The following CDH4 variants were observed in gnomAD, a reference collection of about 807,000 sequenced individuals.
The protein encoded by CDH4 is cadherin 4.
A neutral mutation model predicts 86.0 loss-of-function variants in CDH4; 33 were observed. The observed-to-expected ratio is 0.38, with a 90% CI of 0.29 to 0.51. The LOEUF is 0.51. Ranked by LOEUF, CDH4 falls within the 20% of genes least tolerant of loss-of-function variation. The probability of loss-of-function intolerance (pLI) is 0.86; values close to 1 mark genes in which losing one functional copy is unlikely to be tolerated. For synonymous variants in CDH4, 555 were observed against 549.4 expected (o/e 1.01, Z -0.14); for missense variants, 1,114 against 1,307.4 (o/e 0.85, Z 2.28).
intron 2 of CDH4, among the ~76,000 whole-genome samples, chr20:61,679,829 G>A (rs1425426088): frequency 6.6e-6 from 1 of 152,208 alleles, no homozygotes; most frequent in Admixed American, 6.5e-5. Flanking sequence ...ACCTGGAGCA[G>A]ACCCCGGAGC....
At chr20:61,745,060 A>C (rs1332733868) in intron 3 of CDH4, among the ~76,000 whole-genome samples, 1 of 152,196 alleles carries the variant, frequency 6.6e-6, no homozygotes, top group East Asian at 1.9e-4. Flanking sequence ...CCCCCAGTTA[A>C]CATGAGGCCT....
chr20:61,722,700 G>A (rs1283632206), intron 2 of CDH4, among the ~76,000 whole-genome samples: 4 of 141,822 alleles, frequency 2.8e-5, no homozygotes, highest in Non-Finnish European at 6.0e-5. Context: ...GCTCTTTCAA[G>A]TGACAAGATC....
chr20:61,883,380 C>T (rs1984383600), intron 7 of CDH4, among the ~76,000 whole-genome samples: 1 of 152,202 alleles, frequency 6.6e-6, no homozygotes, highest in African/African-American at 2.4e-5. Flanking sequence ...TTTCTTGGGA[C>T]ACTGGGCAAG....
At chr20:61,463,423 C>G (rs568670602) in intron 2 of CDH4, among the ~76,000 whole-genome samples, 2 of 152,290 alleles carry the variant, frequency 1.3e-5, no homozygotes, top group East Asian at 3.9e-4. Flanking sequence ...GCCCCATGTA[C>G]AAAACTGATG....
At chr20:61,848,698 C>A (rs1244674819) in intron 5 of CDH4, among the ~76,000 whole-genome samples, 1 of 152,074 alleles carries the variant, frequency 6.6e-6, no homozygotes, top group Non-Finnish European at 1.5e-5. Context: ...GCTAATTTTT[C>A]TGAATTTTTA....
At chr20:61,899,283 CAAAAAA>C (rs66506614) in intron 8 of CDH4, among the ~76,000 whole-genome samples, 19,364 of 134,302 alleles carry the variant, frequency 0.14, 2,875 homozygotes, top group East Asian at 0.45. Flanking sequence ...TAGCCTGTCT[CAAAAAA>C]AAAAAAGAAA....
intron 2 of CDH4, among the ~76,000 whole-genome samples, chr20:61,559,243 G>A (rs2086198103): frequency 6.6e-6 from 1 of 152,152 alleles, no homozygotes. Context: ...GCCTGAGCCT[G>A]GGAAACGGAG....
chr20:61,305,410 G>A (rs1299623655), intron 2 of CDH4, among the ~76,000 whole-genome samples: 1 of 152,184 alleles, frequency 6.6e-6, no homozygotes, highest in East Asian at 1.9e-4. Context: ...CCACTCCCGG[G>A]GGAGGTGGGG....
intron 3 of CDH4, among the ~76,000 whole-genome samples, chr20:61,755,420 C>G (rs60831037): frequency 0.16 from 24,064 of 148,046 alleles, 2,165 homozygotes; most frequent in East Asian, 0.29. Context: ...ACCATACACA[C>G]AGTGCACGTC....
intron 2 of CDH4, among the ~76,000 whole-genome samples, chr20:61,415,147 T>G (rs1020018445): frequency 9.9e-5 from 15 of 152,214 alleles, no homozygotes; most frequent in African/African-American, 3.6e-4. Context: ...CCCACACTAG[T>G]GGCATCGGCA....
intron 2 of CDH4, among the ~76,000 whole-genome samples, chr20:61,632,476 G>A (rs1383108716): frequency 6.6e-6 from 1 of 152,040 alleles, no homozygotes; most frequent in East Asian, 1.9e-4. Context: ...CGTTAACGCC[G>A]GGCCTCCGGG....
intron 2 of CDH4, among the ~76,000 whole-genome samples, chr20:61,288,402 T>C (rs2084304419): frequency 6.6e-6 from 1 of 152,206 alleles, no homozygotes; most frequent in African/African-American, 2.4e-5. Flanking sequence ...GGTTGCTGGG[T>C]GACCCTTTGT....
chr20:61,690,439 C>T (rs1188556653), intron 2 of CDH4, among the ~76,000 whole-genome samples: 1 of 152,036 alleles, frequency 6.6e-6, no homozygotes, highest in Non-Finnish European at 1.5e-5. Flanking sequence ...CAGGTGATGC[C>T]AGGAGGGAGG....
chr20:61,888,388 G>A (rs188939136), intron 7 of CDH4, among the ~76,000 whole-genome samples: 2 of 152,342 alleles, frequency 1.3e-5, no homozygotes, highest in African/African-American at 4.8e-5. Context: ...CTGCAAGGGA[G>A]GGCCGGGTGC....
At chr20:61,421,485 T>C (rs181747603) in intron 2 of CDH4, among the ~76,000 whole-genome samples, 8 of 152,320 alleles carry the variant, frequency 5.3e-5, no homozygotes, top group Admixed American at 5.2e-4. Context: ...TCATCTCCGC[T>C]ATCCAAAGCC....
chr20:61,520,913 C>T lies in CDH4; in HGVS notation c.170-222650C>T, dbSNP rs182535784. On this transcript the variant is annotated intron_variant, in intron 2 of 15. Coordinates refer to ENST00000614565, the MANE Select transcript of CDH4 (RefSeq NM_001794.5). ...AACCGCACTTAGTGGGCGAAGGGAG[C>T]AAACCCAGGTCAGTGCAGCTCTGCG... Among the ~76,000 whole-genome samples, 41 of 152,328 alleles carry T rather than the reference C, an allele frequency of 2.7e-4. No homozygotes were observed. The East Asian group carries it at 6.9e-3, about 26-fold the overall frequency.
chr20:61,813,763 T>C (rs1387937736), intron 4 of CDH4, among the ~76,000 whole-genome samples: 1 of 152,148 alleles, frequency 6.6e-6, no homozygotes, highest in Non-Finnish European at 1.5e-5. Context: ...AAAGCTTGAC[T>C]CTTCCCAGGA....
intron 2 of CDH4, among the ~76,000 whole-genome samples, chr20:61,338,486 C>T (rs745919895): frequency 9.9e-5 from 15 of 152,100 alleles, no homozygotes; most frequent in Admixed American, 2.6e-4. Flanking sequence ...TGGGAATCGG[C>T]GAATGAGGCC....
chr20:61,559,983 G>T (rs1164814098), intron 2 of CDH4, among the ~76,000 whole-genome samples: 4 of 152,170 alleles, frequency 2.6e-5, no homozygotes, highest in Admixed American at 2.6e-4. Flanking sequence ...CTCAACCATG[G>T]ACCCTCTGTC....
Sources: allele counts gnomAD v4.1 joint callset (sites outside exome capture counted in the v4.1 genomes callset), GRCh38; gene constraint gnomAD v4.1.1; transcripts MANE v1.5; gene names NCBI Gene and HGNC (gene_info 2026-07-23, HGNC 2026-07-21).